SLC44A1: variants seen among roughly 807,000 people sequenced by gnomAD.
The protein encoded by SLC44A1 is choline transporter-like protein 1.
In SLC44A1, 26 loss-of-function variants were observed where a neutral mutation model predicts 79.3. That is an observed-to-expected ratio of 0.33 (90% CI 0.24 to 0.46). The LOEUF is 0.46. SLC44A1 is among the 20% of genes least tolerant of loss of function. SLC44A1 has a pLI of 1.00. For missense variants in SLC44A1, 688 were observed against 798.1 expected (o/e 0.86, Z 1.66); for synonymous variants, 263 against 286.2 (o/e 0.92, Z 0.82).
intron 3 of SLC44A1, among the ~76,000 whole-genome samples, chr9:105,318,094 T>C (rs1008307067): frequency 2.0e-5 from 3 of 152,214 alleles, no homozygotes; most frequent in African/African-American, 7.2e-5. Flanking sequence ...TGAGAACTTA[T>C]TTCCTCCCAA....
chr9:105,267,724 C>T (rs142950678), intron 1 of SLC44A1, among the ~76,000 whole-genome samples: 1 of 152,086 alleles, frequency 6.6e-6, no homozygotes, highest in Non-Finnish European at 1.5e-5. Flanking sequence ...TCCTGTTTGT[C>T]ATGGTAAAAG....
chr9:105,341,703 G>A (rs921620725), intron 4 of SLC44A1, among the ~76,000 whole-genome samples: 4 of 152,140 alleles, frequency 2.6e-5, no homozygotes, highest in Non-Finnish European at 5.9e-5. Context: ...GGATTTCCCT[G>A]TTCTATTCTA....
At position 105,247,150 on chromosome 9, in the gene SLC44A1, C is replaced by T. The variant is rs555136283; in HGVS notation, c.36+2246C>T. Among the ~76,000 whole-genome samples the T allele has an allele frequency of 5.4e-4, 82 of 150,938 alleles. 1 individual carries two copies. The South Asian group carries it at 9.6e-3, about 18-fold the overall frequency. ...ATCCTTCTTCATTTGTGAAATGTTA[C>T]TAATCGGCTGGTATTTTAACTCTCC... On this transcript the variant is annotated intron_variant, in intron 1 of 15. Coordinates refer to ENST00000374720, the MANE Select transcript of SLC44A1 (RefSeq NM_080546.5).
Position 105,396,630 on chromosome 9 carries a change from C to A in SLC44A1, c.*7574C>A, listed in dbSNP as rs1828881371. 2.0e-6 allele frequency: 2 copies of A among 985,266 alleles called. No individual in the cohort carries two copies. Among genetic ancestry groups the A allele is most frequent in the Non-Finnish European group, 2.4e-6 (2 of 829,950 alleles). 61.0% of individuals were successfully genotyped at this position (985,266 alleles called of 1,614,324 possible). A position where few individuals can be genotyped will look rare whatever the true frequency, so the allele number is the denominator to read the frequency against. ...TGGGGTGATATGAGCAGAAAACACA[C>A]ATCGGTGTGTCTTGATTTCTCGCAG... On this transcript the variant is annotated 3_prime_UTR_variant, in exon 16 of 16. Coordinates refer to ENST00000374720, the MANE Select transcript of SLC44A1 (RefSeq NM_080546.5).
chr9:105,308,245 T>C (rs1831084536), intron 2 of SLC44A1, among the ~76,000 whole-genome samples: 1 of 152,224 alleles, frequency 6.6e-6, no homozygotes, highest in African/African-American at 2.4e-5. Flanking sequence ...TTCTCATTTC[T>C]AATAATAGTA....
intron 1 of SLC44A1, among the ~76,000 whole-genome samples, chr9:105,294,038 CAA>C (rs1297059886): frequency 2.6e-5 from 4 of 152,134 alleles, no homozygotes; most frequent in Admixed American, 1.3e-4. Context: ...AATGTACAAA[CAA>C]GAGGTATGTG....
intron 1 of SLC44A1, among the ~76,000 whole-genome samples, chr9:105,275,310 T>C (rs1387454361): frequency 9.2e-5 from 14 of 152,208 alleles, no homozygotes. Flanking sequence ...GCATCAGGGA[T>C]TGTAAACAAG....
chr9:105,355,722 C>T (rs536860810), intron 5 of SLC44A1, among the ~76,000 whole-genome samples: 14 of 152,108 alleles, frequency 9.2e-5, no homozygotes, highest in Non-Finnish European at 1.8e-4. Context: ...ATTTTGTATG[C>T]TGTTTTGTTA....
At chr9:105,342,774 A>G (rs1827136282) in intron 4 of SLC44A1, among the ~76,000 whole-genome samples, 1 of 152,154 alleles carries the variant, frequency 6.6e-6, no homozygotes, top group South Asian at 2.1e-4. Flanking sequence ...TATGCCATGG[A>G]CTGCACCAGA....
At chr9:105,312,443 G>A (rs113573880) in intron 3 of SLC44A1, among the ~76,000 whole-genome samples, 5 of 152,046 alleles carry the variant, frequency 3.3e-5, no homozygotes, top group African/African-American at 1.2e-4. Context: ...TATTTGATTC[G>A]CTGCTATGTC....
At chr9:105,278,220 C>G (rs1467970347) in intron 1 of SLC44A1, among the ~76,000 whole-genome samples, 2 of 151,568 alleles carry the variant, frequency 1.3e-5, no homozygotes, top group Non-Finnish European at 2.9e-5. Context: ...CCACTACCGC[C>G]TGGCTAATTT....
At chr9:105,268,719 C>G (rs900641074) in intron 1 of SLC44A1, among the ~76,000 whole-genome samples, 5 of 151,122 alleles carry the variant, frequency 3.3e-5, no homozygotes, top group African/African-American at 1.2e-4. Flanking sequence ...AGGCTGGTCT[C>G]GAACTCCAAC....
chr9:105,325,273 T>C (rs759056868), intron 3 of SLC44A1, among the ~76,000 whole-genome samples: 3 of 152,232 alleles, frequency 2.0e-5, no homozygotes, highest in Non-Finnish European at 4.4e-5. Flanking sequence ...ATTCTCTTTA[T>C]ATGAAATGTA....
intron 2 of SLC44A1, among the ~76,000 whole-genome samples, chr9:105,307,831 A>G (rs938885933): frequency 7.9e-5 from 12 of 152,024 alleles, no homozygotes; most frequent in Non-Finnish European, 1.2e-4. Context: ...TTTTTTTTCT[A>G]TGTCTTAGCA....
At chr9:105,351,549 A>AG (rs1491403364) in intron 5 of SLC44A1, among the ~76,000 whole-genome samples, 2,065 of 125,312 alleles carry the variant, frequency 0.016, 26 homozygotes, top group Non-Finnish European at 0.022. Flanking sequence ...AGAAAGAAAG[A>AG]AAGAAAGAGA....
At chr9:105,358,748 G>A (rs1385982498) in intron 7 of SLC44A1, among the ~76,000 whole-genome samples, 4 of 152,054 alleles carry the variant, frequency 2.6e-5, no homozygotes, top group Non-Finnish European at 5.9e-5. Flanking sequence ...GGTATGTTTG[G>A]TCTTACTGTT....
intron 1 of SLC44A1, among the ~76,000 whole-genome samples, chr9:105,289,812 G>GTT (rs11299759): frequency 2.2e-5 from 3 of 139,420 alleles, no homozygotes; most frequent in African/African-American, 5.2e-5. Flanking sequence ...GTTTTTTTTT[G>GTT]TTTTTTTTTT....
chr9:105,363,604 A>G (rs1198132058), intron 9 of SLC44A1, among the ~76,000 whole-genome samples: 1 of 151,766 alleles, frequency 6.6e-6, no homozygotes, highest in African/African-American at 2.4e-5. Context: ...AGCTGGCACT[A>G]CAGGTATGCA....
intron 1 of SLC44A1, among the ~76,000 whole-genome samples, chr9:105,267,772 A>G (rs1829994383): frequency 6.6e-6 from 1 of 152,076 alleles, no homozygotes; most frequent in Non-Finnish European, 1.5e-5. Context: ...CTATCTAGTT[A>G]TTATTAATAT....
Sources: gnomAD v4.1 joint callset for allele counts (sites outside exome capture counted in the v4.1 genomes callset) on GRCh38, gnomAD v4.1.1 for gene constraint, MANE v1.5 for transcripts, NCBI Gene and HGNC (gene_info 2026-07-23, HGNC 2026-07-21) for gene names.